Variants in DLGAP1 observed in about 807,000 individuals in gnomAD.
DLGAP1 encodes disks large-associated protein 1.
A neutral mutation model predicts 90.8 loss-of-function variants in DLGAP1; 11 were observed. That is an observed-to-expected ratio of 0.12 (90% CI 0.08 to 0.20). DLGAP1 has a LOEUF of 0.20. DLGAP1 is among the 10% of genes least tolerant of loss of function. DLGAP1 has a pLI of 1.00. For missense variants in DLGAP1, 1,050 were observed against 1,333.8 expected (o/e 0.79, Z 3.31); for synonymous variants, 558 against 540.7 (o/e 1.03, Z -0.44).
chr18:3,619,070 C>T (rs1046089328), intron 7 of DLGAP1, among the ~76,000 whole-genome samples: 10 of 152,238 alleles, frequency 6.6e-5, no homozygotes, highest in Admixed American at 6.5e-4. Context: ...GAGAGGCCAG[C>T]CACCCGCAAG....
intron 4 of DLGAP1, among the ~76,000 whole-genome samples, chr18:3,836,287 T>G (rs2068373843): frequency 6.6e-6 from 1 of 152,166 alleles, no homozygotes; most frequent in African/African-American, 2.4e-5. Context: ...TACACCTATC[T>G]TAGGATCTTA....
At chr18:4,050,559 G>C (rs182310201) in intron 2 of DLGAP1, among the ~76,000 whole-genome samples, 1 of 152,092 alleles carries the variant, frequency 6.6e-6, no homozygotes, top group Non-Finnish European at 1.5e-5. Context: ...TTCTATCCAC[G>C]TTATTAATAC....
chr18:3,755,775 C>A (rs1043584869), intron 5 of DLGAP1, among the ~76,000 whole-genome samples: 2 of 152,094 alleles, frequency 1.3e-5, no homozygotes. Context: ...TAGAAATCAA[C>A]AAGGAAACCG....
rs181891282 is a variant in DLGAP1, at chr18:4,305,548, A to T, written c.-267+149458T>A. Among the ~76,000 whole-genome samples the T allele has an allele frequency of 1.4e-3, 207 of 151,792 alleles. 3 individuals are homozygous for T. Among genetic ancestry groups the T allele is most frequent in the Admixed American group, 0.013 (200 of 15,242 alleles). Reference sequence around the variant, plus strand: ...AAACTCCGTCTCAAAAAAAAAAAAAAAAAGGAAAAAGAAAAAGAAAAACCA... The same window carrying T: ...AAACTCCGTCTCAAAAAAAAAAAAATAAAGGAAAAAGAAAAAGAAAAACCA... On this transcript the variant is annotated intron_variant, in intron 1 of 12. Transcript: ENST00000315677.
intron 1 of DLGAP1, among the ~76,000 whole-genome samples, chr18:4,438,182 T>C (rs2083448225): frequency 6.6e-6 from 1 of 152,092 alleles, no homozygotes; most frequent in South Asian, 2.1e-4. Context: ...TATTGCCAAA[T>C]TTTGCTTACA....
chr18:4,003,315 C>A (rs759503797), intron 3 of DLGAP1, among the ~76,000 whole-genome samples: 8 of 151,854 alleles, frequency 5.3e-5, no homozygotes, highest in Non-Finnish European at 1.0e-4. Flanking sequence ...TCCTCAGGCA[C>A]AGGACTGGGA....
At chr18:3,578,491 G>GGAC (rs1385497691) in intron 8 of DLGAP1, among the ~76,000 whole-genome samples, 1 of 151,698 alleles carries the variant, frequency 6.6e-6, no homozygotes, top group Non-Finnish European at 1.5e-5. Flanking sequence ...CAAGCAGCTG[G>GGAC]GACTACAGGC....
intron 2 of DLGAP1, among the ~76,000 whole-genome samples, chr18:4,045,396 T>C (rs1214683195): frequency 2.7e-5 from 3 of 113,006 alleles, no homozygotes; most frequent in Non-Finnish European, 5.0e-5. Flanking sequence ...GAAATAGAGA[T>C]CACAGCCTGT....
At chr18:4,380,980 C>T (rs77346262) in intron 1 of DLGAP1, among the ~76,000 whole-genome samples, 32 of 152,260 alleles carry the variant, frequency 2.1e-4, no homozygotes, top group East Asian at 5.8e-4. Context: ...TTTTCACATT[C>T]GAGGAGCTTT....
At position 3,615,661 on chromosome 18, in the gene DLGAP1, G is replaced by A. The variant is rs59059583; in HGVS notation, c.1592-33413C>T. On this transcript the variant is annotated intron_variant, in intron 7 of 12. Coordinates refer to ENST00000315677, the MANE Select transcript of DLGAP1 (RefSeq NM_004746.4). The stretch of plus-strand genomic sequence containing the variant: ...CTTTGTCTGAAGCAGTGAGCCCTGG[G>A]CACACTTGTGCAGTAGCTAAAATTT... 7.8e-3 allele frequency among the ~76,000 whole-genome samples: 1,190 copies of A among 152,240 alleles called. 14 individuals are homozygous for A. Among genetic ancestry groups the A allele is most frequent in the African/African-American group, 0.027 (1,123 of 41,530 alleles).
chr18:4,144,276 G>A (rs1005228480), intron 2 of DLGAP1, among the ~76,000 whole-genome samples: 1 of 152,200 alleles, frequency 6.6e-6, no homozygotes, highest in Non-Finnish European at 1.5e-5. Context: ...GCCAGAATTA[G>A]AGTTCTGACT....
At chr18:4,237,613 T>C (rs1407492897) in intron 1 of DLGAP1, among the ~76,000 whole-genome samples, 16 of 152,062 alleles carry the variant, frequency 1.1e-4, no homozygotes. Context: ...ATCCTTCTAA[T>C]ACATTCTTGC....
intron 1 of DLGAP1, among the ~76,000 whole-genome samples, chr18:4,352,610 C>G (rs1327311271): frequency 6.6e-6 from 1 of 152,060 alleles, no homozygotes; most frequent in South Asian, 2.1e-4. Context: ...AGCAGTCAAA[C>G]AATCTCTCAC....
chr18:4,422,505 A>T (rs1446283997), intron 1 of DLGAP1, among the ~76,000 whole-genome samples: 3 of 152,034 alleles, frequency 2.0e-5, no homozygotes, highest in African/African-American at 7.2e-5. Flanking sequence ...TAAAATAACT[A>T]AAAAGTGAAT....
chr18:3,849,075 C>T (rs376092638), intron 4 of DLGAP1, among the ~76,000 whole-genome samples: 4 of 152,320 alleles, frequency 2.6e-5, no homozygotes, highest in East Asian at 1.9e-4. Context: ...CCTTTGCAAA[C>T]GCTCTTCCCT....
chr18:3,902,155 T>G (rs1335844697), intron 3 of DLGAP1, among the ~76,000 whole-genome samples: 1 of 152,204 alleles, frequency 6.6e-6, no homozygotes, highest in African/African-American at 2.4e-5. Flanking sequence ...AAAAATTGAT[T>G]GTGTATTTTG....
intron 11 of DLGAP1, among the ~76,000 whole-genome samples, chr18:3,505,769 G>A (rs2050182665): frequency 6.6e-6 from 1 of 151,934 alleles, no homozygotes; most frequent in Admixed American, 6.6e-5. Flanking sequence ...TTTCTGGAGG[G>A]GCCTGGTTTG....
intron 7 of DLGAP1, chr18:3,604,301 A>G (rs1388173300): frequency 6.6e-6 from 1 of 152,158 alleles, no homozygotes; most frequent in African/African-American, 2.4e-5. Flanking sequence ...TAAGTGCTAG[A>G]GCCCACTCCT....
At chr18:4,192,492 C>T (rs2077420086) in intron 1 of DLGAP1, among the ~76,000 whole-genome samples, 1 of 152,192 alleles carries the variant, frequency 6.6e-6, no homozygotes, top group Non-Finnish European at 1.5e-5. Context: ...CGTACTTATC[C>T]TGTAACCCCA....
Sources: gnomAD v4.1 joint callset for allele counts (sites outside exome capture counted in the v4.1 genomes callset) on GRCh38, gnomAD v4.1.1 for gene constraint, MANE v1.5 for transcripts, NCBI Gene and HGNC (gene_info 2026-07-23, HGNC 2026-07-21) for gene names.